LPP: variants seen among roughly 807,000 people sequenced by gnomAD.
LPP encodes LIM domain containing preferred translocation partner in lipoma.
In LPP, 38 loss-of-function variants were observed where a neutral mutation model predicts 60.4. The ratio of observed to expected loss-of-function variants is 0.63; its 90% CI spans 0.49 to 0.83. LPP has a LOEUF of 0.83. Ranked by LOEUF, LPP falls within the 40% of genes least tolerant of loss-of-function variation. The pLI is 0.00. For synonymous variants in LPP, 328 were observed against 290.8 expected (o/e 1.13, Z -1.30); for missense variants, 902 against 783.6 (o/e 1.15, Z -1.80).
chr3:188,807,439 AT>A (rs911852576), intron 9 of LPP, among the ~76,000 whole-genome samples: 5 of 151,462 alleles, frequency 3.3e-5, no homozygotes, highest in Middle Eastern at 3.4e-3. Flanking sequence ...TATCTCTTCA[AT>A]TTTTATTTTG....
chr3:188,749,147 TA>T (rs1560151617), intron 8 of LPP, among the ~76,000 whole-genome samples: 1 of 152,266 alleles, frequency 6.6e-6, no homozygotes, highest in East Asian at 1.9e-4. Context: ...TACTCCTAAT[TA>T]CAATGAAAAT....
At chr3:188,445,264 A>G (rs1047622725) in intron 4 of LPP, among the ~76,000 whole-genome samples, 3 of 152,226 alleles carry the variant, frequency 2.0e-5, no homozygotes, top group Non-Finnish European at 4.4e-5. Context: ...GGTAGACTGG[A>G]TAAAGAAAAT....
intron 4 of LPP, among the ~76,000 whole-genome samples, chr3:188,435,053 A>G (rs1163330032): frequency 1.3e-5 from 2 of 152,354 alleles, no homozygotes; most frequent in Admixed American, 6.5e-5. Context: ...AAGAAAATAT[A>G]TAATTTGTTA....
intron 2 of LPP, among the ~76,000 whole-genome samples, chr3:188,284,260 T>C (rs1743157203): frequency 6.6e-6 from 1 of 151,916 alleles, no homozygotes; most frequent in South Asian, 2.1e-4. Flanking sequence ...GGAGGAGCTC[T>C]TACAGAGCTG....
intron 6 of LPP, among the ~76,000 whole-genome samples, chr3:188,577,786 TTCCCTTCCC>T (rs1835067560): frequency 7.5e-6 from 1 of 134,024 alleles, no homozygotes; most frequent in South Asian, 2.7e-4. Flanking sequence ...CCTTCTGTCC[TTCCCTTCCC>T]TCCCTCCCTC....
At chr3:188,324,386 C>G (rs1757799052) in intron 2 of LPP, among the ~76,000 whole-genome samples, 1 of 152,182 alleles carries the variant, frequency 6.6e-6, no homozygotes, top group Non-Finnish European at 1.5e-5. Context: ...TCTCCTGGCT[C>G]TCCTAGAGCC....
intron 1 of LPP, among the ~76,000 whole-genome samples, chr3:188,203,053 T>C (rs1195728357): frequency 6.9e-6 from 1 of 145,208 alleles, no homozygotes; most frequent in African/African-American, 2.5e-5. Flanking sequence ...TTATTTATAA[T>C]AAAAATATTT....
intron 9 of LPP, among the ~76,000 whole-genome samples, chr3:188,838,173 T>A (rs1051170041): frequency 4.6e-5 from 7 of 152,208 alleles, no homozygotes; most frequent in Non-Finnish European, 8.8e-5. Context: ...GTATTGGTAA[T>A]AATATCAAAC....
intron 7 of LPP, among the ~76,000 whole-genome samples, chr3:188,683,447 G>A (rs930143275): frequency 6.6e-6 from 1 of 151,996 alleles, no homozygotes; most frequent in Non-Finnish European, 1.5e-5. Context: ...GGCCTATTGG[G>A]GTTTCCCACC....
At chr3:188,649,130 C>A (rs1389184292) in intron 7 of LPP, among the ~76,000 whole-genome samples, 4 of 152,092 alleles carry the variant, frequency 2.6e-5, no homozygotes, top group African/African-American at 9.7e-5. Flanking sequence ...TTTAAGTAAA[C>A]TCAACAAAGG....
intron 1 of LPP, among the ~76,000 whole-genome samples, chr3:188,170,329 CTTT>C (rs34760455): frequency 2.1e-5 from 2 of 96,436 alleles, no homozygotes; most frequent in Non-Finnish European, 4.1e-5. Context: ...CTTTTCTTTT[CTTT>C]TTTTTTTTTT....
At chr3:188,694,272 A>G (rs1456878760) in intron 7 of LPP, among the ~76,000 whole-genome samples, 1 of 152,126 alleles carries the variant, frequency 6.6e-6, no homozygotes, top group Non-Finnish European at 1.5e-5. Context: ...CCCTTTGCCC[A>G]CCTTTAGGTA....
Position 188,875,312 on chromosome 3 carries a change from A to G in LPP, c.*833A>G. The G allele has an allele frequency of 4.6e-6, 1 of 219,212 alleles. No individual in the cohort carries two copies. Among genetic ancestry groups the G allele is most frequent in the Non-Finnish European group, 9.2e-6 (1 of 109,252 alleles). The allele number at this position is 219,212 out of a possible 1,614,324, so 13.6% of individuals were successfully genotyped here. On this transcript the variant is annotated 3_prime_UTR_variant, in exon 12 of 12. Coordinates refer to ENST00000617246, the MANE Select transcript of LPP (RefSeq NM_001375462.1). Reference sequence around the variant, plus strand: ...TTCCGCACTACCTGAACATTGTAATACAGACAAACTTGATTTCTTCTAGAA... The same window carrying G: ...TTCCGCACTACCTGAACATTGTAATGCAGACAAACTTGATTTCTTCTAGAA...
At chr3:188,503,048 C>T (rs1170155420) in intron 5 of LPP, among the ~76,000 whole-genome samples, 1 of 151,750 alleles carries the variant, frequency 6.6e-6, no homozygotes, top group Non-Finnish European at 1.5e-5. Flanking sequence ...GTTTCTTTGT[C>T]CTTTATTTCC....
chr3:188,416,212 A>G lies in LPP; in HGVS notation c.193+9899A>G, dbSNP rs578211962. Among the ~76,000 whole-genome samples, 17 of 152,306 alleles carry G rather than the reference A, an allele frequency of 1.1e-4. No homozygotes were observed. In the South Asian group the frequency reaches 1.9e-3, roughly 17 times the overall value. ...ATGCCATCTGAATTGCTTGCATGATACTTTGAAAGATCACTGCTATATGTA... is the reference window on the plus strand; with the variant it reads ...ATGCCATCTGAATTGCTTGCATGATGCTTTGAAAGATCACTGCTATATGTA... On this transcript the variant is annotated intron_variant, in intron 4 of 11. Coordinates refer to ENST00000617246, the MANE Select transcript of LPP (RefSeq NM_001375462.1).
At chr3:188,485,701 G>A (rs997363825) in intron 5 of LPP, among the ~76,000 whole-genome samples, 8 of 147,600 alleles carry the variant, frequency 5.4e-5, no homozygotes, top group African/African-American at 9.9e-5. Flanking sequence ...GGAGGCTGAG[G>A]CAGGAGAATG....
chr3:188,389,939 A>G (rs569882103), intron 3 of LPP, among the ~76,000 whole-genome samples: 3 of 152,238 alleles, frequency 2.0e-5, no homozygotes, highest in South Asian at 4.1e-4. Context: ...ATTTCTGTTC[A>G]TCCAGGTGAG....
intron 4 of LPP, among the ~76,000 whole-genome samples, chr3:188,471,542 C>G (rs944015234): frequency 6.6e-6 from 1 of 152,056 alleles, no homozygotes; most frequent in Non-Finnish European, 1.5e-5. Context: ...GGGTTTTCCA[C>G]CTTTGTGATA....
At position 188,884,485 on chromosome 3, in the gene LPP, G is replaced by A. The variant is rs1770436101; in HGVS notation, c.*10006G>A. On this transcript the variant is annotated 3_prime_UTR_variant, in exon 12 of 12. Transcript: ENST00000617246. ...GTGTCTTCTTGTGGGAAACCTCTAG[G>A]TATTCTGTCTGATCAGCACTGTGAG... is the stretch of plus-strand genomic sequence containing the variant. 4.4e-6 allele frequency: 1 copy of A among 228,834 alleles called. No homozygotes were observed. 14.2% of individuals were successfully genotyped at this position (228,834 alleles called of 1,614,324 possible). A position where few individuals can be genotyped will look rare whatever the true frequency, so the allele number is the denominator to read the frequency against.
Sources: gnomAD v4.1 joint callset for allele counts (sites outside exome capture counted in the v4.1 genomes callset) on GRCh38, gnomAD v4.1.1 for gene constraint, MANE v1.5 for transcripts, NCBI Gene and HGNC (gene_info 2026-07-23, HGNC 2026-07-21) for gene names.